AKR1C3: variants seen among roughly 807,000 people sequenced by gnomAD.
AKR1C3 encodes the protein aldo-keto reductase family 1 member C3, also known as 3-alpha hydroxysteroid dehydrogenase, type II.
In AKR1C3, 48 loss-of-function variants were observed where a neutral mutation model predicts 43.6. The ratio of observed to expected loss-of-function variants is 1.10; its 90% CI spans 0.87 to 1.40. The LOEUF is 1.40. Among genes scored for constraint, AKR1C3 ranks in the 40% most tolerant of loss-of-function variants. The pLI is 0.00. For synonymous variants in AKR1C3, 162 were observed against 139.6 expected, an observed-to-expected ratio of 1.16 and a Z score of -1.13; for missense variants, 482 against 391.2, an observed-to-expected ratio of 1.23 and a Z score of -1.96.
intron 1 of AKR1C3, among the ~76,000 whole-genome samples, chr10:5,079,101 T>C (rs1015694140): frequency 6.6e-6 from 1 of 152,218 alleles, no homozygotes; most frequent in Admixed American, 6.5e-5. Context: ...CACAGGTGTT[T>C]TACTTTTGTG....
At chr10:5,079,533 T>G (rs1448401608) in intron 1 of AKR1C3, among the ~76,000 whole-genome samples, 3 of 151,380 alleles carry the variant, frequency 2.0e-5, no homozygotes, top group African/African-American at 7.3e-5. Flanking sequence ...AAGGAAAGAT[T>G]AACTCCCAGG....
chr10:5,072,457 T>A (rs1418223683), intron 1 of AKR1C3, among the ~76,000 whole-genome samples: 2 of 152,210 alleles, frequency 1.3e-5, no homozygotes. Context: ...AAGAAAAAAA[T>A]TGTATTTGTA....
At chr10:5,068,785 G>A (rs958165904) in intron 1 of AKR1C3, among the ~76,000 whole-genome samples, 48 of 152,198 alleles carry the variant, frequency 3.2e-4, no homozygotes, top group African/African-American at 1.1e-3. Context: ...AGCCTCCCAA[G>A]AAGGCCTCTT....
intron 1 of AKR1C3, among the ~76,000 whole-genome samples, chr10:5,062,905 G>A (rs537142742): frequency 1.3e-5 from 2 of 149,808 alleles, no homozygotes; most frequent in East Asian, 2.0e-4. Flanking sequence ...ATTTCTCAAA[G>A]CTCAACACTT....
At chr10:5,105,560 A>C in intron 7 of AKR1C3, 35 bp from the exon 8 acceptor site, 1 of 1,527,824 alleles carries the variant, frequency 6.5e-7, no homozygotes, top group Non-Finnish European at 9.0e-7. Context: ...ACAACTGGCA[A>C]TCTAAAAATA....
At chr10:5,095,817 C>T (rs984502154) in intron 1 of AKR1C3, among the ~76,000 whole-genome samples, 13 of 152,180 alleles carry the variant, frequency 8.5e-5, no homozygotes, top group African/African-American at 3.1e-4. Context: ...CCCTAGTGTT[C>T]AGTTCTGTTG....
In AKR1C3 at chr10:5,102,180, G is replaced by A; in HGVS notation, c.650G>A (p.Ser217Asn). 6.2e-7 allele frequency: 1 copy of A among 1,613,976 alleles called. No individual in the cohort carries two copies. The highest frequency in any genetic ancestry group is 8.5e-7 in the Non-Finnish European group (1 of 1,179,864). The change falls in exon 6 of 9, where the codon AGT becomes AAT. Residue 217 changes from serine to asparagine, a missense_variant. Coordinates refer to ENST00000380554, the MANE Select transcript of AKR1C3 (RefSeq NM_003739.6). ...KSKDIVLVAY[S>N]ALGSQRDKRW... ...AAAGATATTGTTCTGGTTGCCTATA[G>A]TGCTCTGGGATCTCAACGAGACAAA...
intron 1 of AKR1C3, among the ~76,000 whole-genome samples, chr10:5,068,250 G>A (rs1838549925): frequency 6.6e-6 from 1 of 151,944 alleles, no homozygotes; most frequent in Non-Finnish European, 1.5e-5. Flanking sequence ...ACATACATTA[G>A]CATTATTCAC....
intron 1 of AKR1C3, among the ~76,000 whole-genome samples, chr10:5,066,592 G>T (rs1193684787): frequency 1.3e-5 from 2 of 152,106 alleles, no homozygotes; most frequent in Non-Finnish European, 2.9e-5. Flanking sequence ...TGACTATTGG[G>T]AGCATAATAC....
At chr10:5,107,075 G>A (rs782501627) in intron 8 of AKR1C3, among the ~76,000 whole-genome samples, 34 of 152,046 alleles carry the variant, frequency 2.2e-4, no homozygotes, top group Non-Finnish European at 4.1e-4. Flanking sequence ...TTGGATATTA[G>A]ACCCTATATC....
intron 3 of AKR1C3, 89 bp downstream of exon 3, chr10:5,097,639 G>A: frequency 6.2e-7 from 1 of 1,601,838 alleles, no homozygotes; most frequent in South Asian, 1.1e-5. Flanking sequence ...TTTTTATTAG[G>A]AGGATGTAGG....
chr10:5,052,612 C>G (rs11252905), intron 1 of AKR1C3, among the ~76,000 whole-genome samples: 5,116 of 152,172 alleles, frequency 0.034, 142 homozygotes, highest in East Asian at 0.16. Flanking sequence ...TTCACAAAAC[C>G]TGAGCTAGAC....
At chr10:5,085,097 A>G (rs1272857438) in intron 1 of AKR1C3, among the ~76,000 whole-genome samples, 1 of 152,114 alleles carries the variant, frequency 6.6e-6, no homozygotes, top group Non-Finnish European at 1.5e-5. Context: ...TGCCCTGGCC[A>G]GAACTTCCAA....
chr10:5,084,550 G>A (rs1174460529), intron 1 of AKR1C3, among the ~76,000 whole-genome samples: 5 of 152,126 alleles, frequency 3.3e-5, no homozygotes, highest in African/African-American at 1.2e-4. Flanking sequence ...GGATTGACTT[G>A]GTGAGGCGGG....
intron 1 of AKR1C3, among the ~76,000 whole-genome samples, chr10:5,089,288 G>A (rs1839035698): frequency 6.6e-6 from 1 of 152,024 alleles, no homozygotes; most frequent in Admixed American, 6.6e-5. Flanking sequence ...ATTTCTAAAT[G>A]TCTATCAGGA....
intron 1 of AKR1C3, among the ~76,000 whole-genome samples, chr10:5,087,377 TTTC>T (rs201623796): frequency 0.39 from 27,181 of 70,120 alleles, 3,260 homozygotes; most frequent in East Asian, 0.64. Flanking sequence ...TTATCATTTC[TTTC>T]TTTTTTTTTT....
chr10:5,088,672 A>C (rs1200658241), intron 1 of AKR1C3, among the ~76,000 whole-genome samples: 1 of 151,698 alleles, frequency 6.6e-6, no homozygotes, highest in East Asian at 1.9e-4. Context: ...ATATCATGTA[A>C]ATGAAAACAA....
intron 8 of AKR1C3, among the ~76,000 whole-genome samples, chr10:5,106,190 T>C (rs189157277): frequency 1.3e-3 from 195 of 152,310 alleles, no homozygotes; most frequent in African/African-American, 4.5e-3. Flanking sequence ...CTCCTTCTCC[T>C]TGCATGTTTG....
At chr10:5,103,004 C>A (rs1241079813) in intron 7 of AKR1C3, among the ~76,000 whole-genome samples, 1 of 151,818 alleles carries the variant, frequency 6.6e-6, no homozygotes, top group South Asian at 2.1e-4. Flanking sequence ...ATTCTCCTGC[C>A]TCAGCCTCCT....
Sources: gnomAD v4.1 joint callset for allele counts (sites outside exome capture counted in the v4.1 genomes callset) on GRCh38, gnomAD v4.1.1 for gene constraint, MANE v1.5 for transcripts, NCBI Gene and HGNC (gene_info 2026-07-23, HGNC 2026-07-21) for gene names.